The following PARD3B variants were observed in gnomAD, a reference collection of about 807,000 sequenced individuals.
The protein encoded by PARD3B is par-3 family cell polarity regulator beta, also known as partitioning defective 3 homolog B.
Under a neutral mutation model 130.2 loss-of-function variants are expected in PARD3B, and 103 were observed. The ratio of observed to expected loss-of-function variants is 0.79; its 90% CI spans 0.67 to 0.93. The LOEUF is 0.93. Among genes scored for constraint, PARD3B ranks in the 40% least tolerant of loss-of-function variants. The pLI is 0.00. For synonymous variants in PARD3B, 583 were observed against 553.2 expected (o/e 1.05, Z -0.76); for missense variants, 1,609 against 1,499.2 (o/e 1.07, Z -1.21).
At chr2:205,543,248 A>G (rs1018597033) in intron 21 of PARD3B, among the ~76,000 whole-genome samples, 4 of 152,254 alleles carry the variant, frequency 2.6e-5, no homozygotes, top group African/African-American at 9.6e-5. Flanking sequence ...ACTGAAAAAA[A>G]AACTGTACAT....
chr2:204,894,117 T>C (rs188806858), intron 2 of PARD3B, among the ~76,000 whole-genome samples: 42 of 152,228 alleles, frequency 2.8e-4, no homozygotes, highest in Admixed American at 9.2e-4. Flanking sequence ...TTGAAATGGG[T>C]TTAATGTCAT....
intron 2 of PARD3B, among the ~76,000 whole-genome samples, chr2:204,805,886 A>G (rs529789483): frequency 6.6e-6 from 1 of 152,286 alleles, no homozygotes; most frequent in East Asian, 1.9e-4. Flanking sequence ...AACACTAAAA[A>G]TAACTGAGTG....
chr2:204,846,712 A>G (rs960836101), intron 2 of PARD3B, among the ~76,000 whole-genome samples: 4 of 150,580 alleles, frequency 2.7e-5, no homozygotes, highest in Non-Finnish European at 5.9e-5. Context: ...CCTATACCTG[A>G]AAGTATTTCT....
chr2:204,760,164 G>A (rs1421042229), intron 2 of PARD3B, among the ~76,000 whole-genome samples: 1 of 152,048 alleles, frequency 6.6e-6, no homozygotes, highest in Non-Finnish European at 1.5e-5. Context: ...TCCCAGCAAA[G>A]TCCTAGAAAT....
chr2:204,823,835 G>T (rs1270749209), intron 2 of PARD3B, among the ~76,000 whole-genome samples: 1 of 151,906 alleles, frequency 6.6e-6, no homozygotes, highest in East Asian at 1.9e-4. Context: ...AGCTACTTGG[G>T]AGGCTGAGGC....
At chr2:204,569,359 C>T (rs1336271860) in intron 1 of PARD3B, among the ~76,000 whole-genome samples, 1 of 152,164 alleles carries the variant, frequency 6.6e-6, no homozygotes, top group East Asian at 1.9e-4. Context: ...CTTTAAGCTC[C>T]AATTCAGATA....
chr2:205,022,202 C>T (rs1197541812), intron 3 of PARD3B, among the ~76,000 whole-genome samples: 1 of 152,114 alleles, frequency 6.6e-6, no homozygotes, highest in East Asian at 1.9e-4. Flanking sequence ...CTAAAACATA[C>T]TGGCTTCCCT....
chr2:205,203,607 C>T (rs1239031572), intron 15 of PARD3B, among the ~76,000 whole-genome samples: 1 of 152,198 alleles, frequency 6.6e-6, no homozygotes, highest in South Asian at 2.1e-4. Context: ...CCCCTATGCT[C>T]CCACCCCCCA....
intron 22 of PARD3B, among the ~76,000 whole-genome samples, chr2:205,578,532 T>A (rs958909188): frequency 6.6e-6 from 1 of 152,160 alleles, no homozygotes; most frequent in Non-Finnish European, 1.5e-5. Context: ...ATATCTACTA[T>A]GAAACATAAA....
chr2:205,441,436 C>A (rs1393242511), intron 20 of PARD3B, among the ~76,000 whole-genome samples: 1 of 152,086 alleles, frequency 6.6e-6, no homozygotes, highest in African/African-American at 2.4e-5. Flanking sequence ...GTTAGGTGAC[C>A]CTTGGAATTA....
chr2:204,766,991 A>ATTTTTTTTTTTTTTTT (rs141505640), intron 2 of PARD3B, among the ~76,000 whole-genome samples: 4 of 98,682 alleles, frequency 4.1e-5, no homozygotes, highest in African/African-American at 1.5e-4. Flanking sequence ...CACATTTTTT[A>ATTTTTTTTTTTTTTTT]TTTTATTTTT....
At chr2:204,639,440 T>C in intron 1 of PARD3B, among the ~76,000 whole-genome samples, 1 of 152,180 alleles carries the variant, frequency 6.6e-6, no homozygotes, top group East Asian at 1.9e-4. Context: ...TGACCCTCAG[T>C]ATCCATGGGT....
chr2:205,308,144 G>A (rs980510521), intron 18 of PARD3B, among the ~76,000 whole-genome samples: 5 of 152,068 alleles, frequency 3.3e-5, no homozygotes, highest in Non-Finnish European at 4.4e-5. Context: ...TTAATTTATT[G>A]TAATCAATAA....
chr2:205,559,275 G>T (rs2053035346), intron 22 of PARD3B, among the ~76,000 whole-genome samples: 1 of 152,148 alleles, frequency 6.6e-6, no homozygotes, highest in Non-Finnish European at 1.5e-5. Context: ...CTCCAGAGTA[G>T]CTGGGACTAC....
intron 18 of PARD3B, among the ~76,000 whole-genome samples, chr2:205,365,549 C>CTTTTTTTTTTTT (rs3048121): frequency 3.5e-5 from 4 of 113,734 alleles, no homozygotes; most frequent in African/African-American, 1.1e-4. Context: ...CCCAACCTTC[C>CTTTTTTTTTTTT]TTTTTTTTTT....
intron 2 of PARD3B, among the ~76,000 whole-genome samples, chr2:204,880,025 C>CT (rs1304924163): frequency 3.3e-5 from 5 of 152,052 alleles, no homozygotes; most frequent in Non-Finnish European, 7.4e-5. Context: ...GCTAAGCATC[C>CT]TTTTTTATTG....
At chr2:205,422,977 T>A (rs1005600596) in intron 19 of PARD3B, among the ~76,000 whole-genome samples, 2 of 152,138 alleles carry the variant, frequency 1.3e-5, no homozygotes, top group African/African-American at 4.8e-5. Flanking sequence ...CATATGGTCG[T>A]CTATAAAAGC....
In PARD3B at chr2:205,185,804, T is replaced by A. The variant is rs2036064509; in HGVS notation, c.1965T>A (p.Val655=). The change falls in exon 14 of 23, where the codon GTT becomes GTA. Residue 655 remains valine (V), a synonymous_variant. Transcript: ENST00000406610. ...ATGACGGATGGGCCGAGAGTGAAGT[T>A]CCACCTTCTCCAACACCACATTCTG... ...LPNDGWAESE[V]PPSPTPHSAL... is the part of the protein sequence containing the mutation. 3.7e-6 allele frequency: 6 copies of A among 1,614,030 alleles called. No individual in the cohort carries two copies. The highest frequency in any genetic ancestry group is 5.1e-6 in the Non-Finnish European group (6 of 1,180,006).
chr2:205,126,752 C>CAAAAAAAAAAAAAAAAAAAAAAA (rs4045004), intron 10 of PARD3B, among the ~76,000 whole-genome samples: 2 of 74,454 alleles, frequency 2.7e-5, no homozygotes, highest in Admixed American at 2.0e-4. Flanking sequence ...GACTCCGTCT[C>CAAAAAAAAAAAAAAAAAAAAAAA]AAAAAAAAAA....
Sources: gnomAD v4.1 joint callset for allele counts (sites outside exome capture counted in the v4.1 genomes callset) on GRCh38, gnomAD v4.1.1 for gene constraint, MANE v1.5 for transcripts, NCBI Gene and HGNC (gene_info 2026-07-23, HGNC 2026-07-21) for gene names.